Variants in COL22A1 observed in about 807,000 individuals in gnomAD.
COL22A1 encodes collagen alpha-1(XXII) chain.
Under a neutral mutation model 248.9 loss-of-function variants are expected in COL22A1, and 221 were observed. That is an observed-to-expected ratio of 0.89 (90% CI 0.80 to 0.99). COL22A1 has a LOEUF of 0.99. Among genes scored for constraint, COL22A1 ranks in the 50% least tolerant of loss-of-function variants. The probability of loss-of-function intolerance (pLI) is 0.00; values close to 1 mark genes in which losing one functional copy is unlikely to be tolerated. For synonymous variants in COL22A1, 891 were observed against 793.4 expected (o/e 1.12, Z -2.07); for missense variants, 2,240 against 2,179.0 (o/e 1.03, Z -0.56).
chr8:138,691,234 G>A (rs1039424582), intron 35 of COL22A1, among the ~76,000 whole-genome samples: 3 of 152,196 alleles, frequency 2.0e-5, no homozygotes, highest in African/African-American at 7.2e-5. Flanking sequence ...AGTGCATGAG[G>A]AAAAGGAAAC....
At chr8:138,912,250 C>T (rs1321526948) in intron 1 of COL22A1, among the ~76,000 whole-genome samples, 1 of 152,214 alleles carries the variant, frequency 6.6e-6, no homozygotes, top group Non-Finnish European at 1.5e-5. Flanking sequence ...TCAACTGCAA[C>T]TTGCATGCAG....
chr8:138,723,583 T>G (rs1830067750), intron 25 of COL22A1, among the ~76,000 whole-genome samples: 1 of 152,196 alleles, frequency 6.6e-6, no homozygotes, highest in Non-Finnish European at 1.5e-5. Flanking sequence ...ATGGGATTGC[T>G]CATGTGTTTG....
intron 30 of COL22A1, 97 bp from the exon 31 acceptor site, chr8:138,703,444 G>C: frequency 8.6e-7 from 1 of 1,167,152 alleles, no homozygotes; most frequent in Non-Finnish European, 1.3e-6. Context: ...CCAGACAACA[G>C]AAGGTGTTGT....
chr8:138,890,333 G>A (rs1414069830), intron 1 of COL22A1, among the ~76,000 whole-genome samples: 4 of 152,224 alleles, frequency 2.6e-5, no homozygotes, highest in Non-Finnish European at 5.9e-5. Flanking sequence ...ATGCTTCTTT[G>A]CCGTATCTAC....
chr8:138,800,199 C>T (rs934447244), intron 11 of COL22A1, among the ~76,000 whole-genome samples: 1 of 152,142 alleles, frequency 6.6e-6, no homozygotes, highest in Non-Finnish European at 1.5e-5. Context: ...GCATCCTTCA[C>T]TGGGGAGCCT....
intron 5 of COL22A1, among the ~76,000 whole-genome samples, chr8:138,829,762 G>T (rs1819887073): frequency 6.6e-6 from 1 of 151,996 alleles, no homozygotes; most frequent in Admixed American, 6.6e-5. Flanking sequence ...TTTTCTTAAT[G>T]AATCCAATTA....
intron 8 of COL22A1, among the ~76,000 whole-genome samples, chr8:138,812,309 G>A (rs377723400): frequency 1.4e-4 from 21 of 152,268 alleles, no homozygotes; most frequent in South Asian, 1.0e-3. Context: ...GCCCTGAGCC[G>A]GGTGCGCTGG....
chr8:138,901,314 C>T (rs1042705277), intron 1 of COL22A1, among the ~76,000 whole-genome samples: 52 of 151,014 alleles, frequency 3.4e-4, no homozygotes, highest in Non-Finnish European at 3.2e-4. Context: ...CCACCAACAG[C>T]CTCAGACATG....
At position 138,780,960 on chromosome 8, in the gene COL22A1, G is replaced by A. The variant is rs369633836; in HGVS notation, c.1617C>T (p.Gly539=). Reference sequence around the variant, plus strand: ...CTTTGCTGCCGTCTCTCCCAGGGGGGCCGGGCAGGCCCAGGGAACCCTAAA... The same window carrying A: ...CTTTGCTGCCGTCTCTCCCAGGGGGACCGGGCAGGCCCAGGGAACCCTAAA... The part of the protein sequence containing the change: ...KGEKGSLGLP[G]PPGRDGSKGM... Residue 539 remains glycine (G), a synonymous_variant, in exon 13 of 65, where the codon GGC becomes GGT. Transcript: ENST00000303045. 5 of 1,608,050 alleles carry A rather than the reference G, an allele frequency of 3.1e-6. No homozygotes were observed. Among genetic ancestry groups the A allele is most frequent in the Non-Finnish European group, 3.4e-6 (4 of 1,178,232 alleles).
chr8:138,738,329 G>A (rs1047443025), intron 22 of COL22A1, among the ~76,000 whole-genome samples: 6 of 152,134 alleles, frequency 3.9e-5, no homozygotes, highest in Non-Finnish European at 7.3e-5. Flanking sequence ...TAAGGTGTGT[G>A]TTGGTTAGTT....
rs576584262 is a variant in COL22A1, at chr8:138,623,440, G to A, written c.3771+292C>T. ...CATCAATAGGATTGAGGCTACAGGG[G>A]GCAGTAAACCAAAATGTGGAGCAGG... is the stretch of plus-strand genomic sequence containing the variant. On this transcript the variant is annotated intron_variant, in intron 52 of 64. Transcript: ENST00000303045. 7.9e-5 allele frequency among the ~76,000 whole-genome samples: 12 copies of A among 151,930 alleles called. No homozygotes were observed. The South Asian group carries it at 2.5e-3, about 32-fold the overall frequency.
chr8:138,890,088 T>G (rs1370862566), intron 1 of COL22A1, among the ~76,000 whole-genome samples: 1 of 151,882 alleles, frequency 6.6e-6, no homozygotes, highest in Non-Finnish European at 1.5e-5. Context: ...CATACAAAAA[T>G]CAATCAATGT....
intron 1 of COL22A1, among the ~76,000 whole-genome samples, chr8:138,901,984 G>A (rs1350504017): frequency 6.6e-6 from 1 of 152,072 alleles, no homozygotes; most frequent in Non-Finnish European, 1.5e-5. Flanking sequence ...ACAGGAGGAG[G>A]TGAGGCTTGA....
chr8:138,631,218 T>C (rs763231497), intron 49 of COL22A1, among the ~76,000 whole-genome samples: 12 of 152,220 alleles, frequency 7.9e-5, no homozygotes, highest in Admixed American at 7.9e-4. Flanking sequence ...TTTGTAGCAA[T>C]GTAAAAACAT....
chr8:138,792,113 C>A (rs188147582), intron 12 of COL22A1, among the ~76,000 whole-genome samples: 1 of 152,284 alleles, frequency 6.6e-6, no homozygotes, highest in African/African-American at 2.4e-5. Flanking sequence ...GCCCCCATTT[C>A]ATTCCTGGTG....
At chr8:138,867,681 T>G (rs1823000773) in intron 3 of COL22A1, among the ~76,000 whole-genome samples, 1 of 152,256 alleles carries the variant, frequency 6.6e-6, no homozygotes, top group African/African-American at 2.4e-5. Flanking sequence ...TTGCACTGAC[T>G]GTGCCAGGCT....
At chr8:138,902,736 A>G (rs1814692964) in intron 1 of COL22A1, among the ~76,000 whole-genome samples, 1 of 106,520 alleles carries the variant, frequency 9.4e-6, no homozygotes, top group Non-Finnish European at 2.0e-5. Context: ...ATATATATAT[A>G]TATACACACA....
At chr8:138,762,179 C>T (rs1586677116) in intron 17 of COL22A1, among the ~76,000 whole-genome samples, 1 of 152,180 alleles carries the variant, frequency 6.6e-6, no homozygotes, top group Non-Finnish European at 1.5e-5. Context: ...TATGATAACG[C>T]ACCACCTTAC....
At chr8:138,620,948 TCCATCC>T (rs1819736840) in intron 52 of COL22A1, among the ~76,000 whole-genome samples, 1 of 39,216 alleles carries the variant, frequency 2.5e-5, no homozygotes, top group African/African-American at 7.9e-5. Flanking sequence ...CAAGCATCCA[TCCATCC>T]ATCCATCCAT....
Sources: gnomAD v4.1 joint callset for allele counts (sites outside exome capture counted in the v4.1 genomes callset) on GRCh38, gnomAD v4.1.1 for gene constraint, MANE v1.5 for transcripts, NCBI Gene and HGNC (gene_info 2026-07-23, HGNC 2026-07-21) for gene names.